MGAT4C: variants seen among roughly 807,000 people sequenced by gnomAD.
MGAT4C encodes the protein MGAT4 family member C, also known as alpha-1,3-mannosyl-glycoprotein 4-beta-N-acetylglucosaminyltransferase C.
In MGAT4C, 19 loss-of-function variants were observed where a neutral mutation model predicts 40.1. The ratio of observed to expected loss-of-function variants is 0.47; its 90% CI spans 0.33 to 0.70. The LOEUF is 0.70. MGAT4C is among the 30% of genes least tolerant of loss of function. The pLI is 0.02. For synonymous variants in MGAT4C, 181 were observed against 187.1 expected (o/e 0.97, Z 0.27); for missense variants, 491 against 563.2 (o/e 0.87, Z 1.30).
chr12:86,231,970 T>C (rs1951339059), intron 1 of MGAT4C, among the ~76,000 whole-genome samples: 1 of 151,832 alleles, frequency 6.6e-6, no homozygotes, highest in Non-Finnish European at 1.5e-5. Flanking sequence ...AAAACCCCAT[T>C]TCTACTAAAG....
At chr12:86,837,065 G>C (rs887403071) in intron 1 of MGAT4C, among the ~76,000 whole-genome samples, 5 of 152,126 alleles carry the variant, frequency 3.3e-5, no homozygotes, top group African/African-American at 1.2e-4. Context: ...GTTTCAGAGA[G>C]TGCACTTCTG....
chr12:86,100,744 A>G (rs746859145), intron 1 of MGAT4C, among the ~76,000 whole-genome samples: 7 of 151,562 alleles, frequency 4.6e-5, no homozygotes, highest in Admixed American at 2.6e-4. Flanking sequence ...GTAAGGAACA[A>G]TACTGTCACT....
At chr12:86,604,348 C>A (rs1420505540) in intron 2 of MGAT4C, among the ~76,000 whole-genome samples, 2 of 152,072 alleles carry the variant, frequency 1.3e-5, no homozygotes, top group African/African-American at 4.8e-5. Flanking sequence ...CTTTGATTTA[C>A]CTCTGGATCA....
At position 86,600,538 on chromosome 12, in the gene MGAT4C, G is replaced by C. The variant is rs190243678; in HGVS notation, c.-229+126671C>G. ...ACAAATCTCGTGAGGTGTGCACTGG[G>C]CTGTGATCTTCAGCAGCCTATCTCT... On this transcript the variant is annotated intron_variant, in intron 2 of 7. Transcript: ENST00000548651. Among the ~76,000 whole-genome samples the C allele has an allele frequency of 4.3e-4, 66 of 152,318 alleles. 1 individual carries two copies. The East Asian group carries it at 0.012, about 28-fold the overall frequency.
chr12:86,327,922 C>A (rs897108665), intron 4 of MGAT4C, among the ~76,000 whole-genome samples: 2 of 151,876 alleles, frequency 1.3e-5, no homozygotes, highest in Non-Finnish European at 2.9e-5. Context: ...TTTTTTCAAA[C>A]GTTTATTATT....
At chr12:86,639,018 C>A (rs1014503763) in intron 2 of MGAT4C, among the ~76,000 whole-genome samples, 4 of 151,626 alleles carry the variant, frequency 2.6e-5, no homozygotes, top group Non-Finnish European at 5.9e-5. Context: ...ATTGGTTTTG[C>A]AGATATAAAT....
At chr12:86,367,793 C>G (rs1018562398) in intron 3 of MGAT4C, among the ~76,000 whole-genome samples, 1 of 151,648 alleles carries the variant, frequency 6.6e-6, no homozygotes, top group Non-Finnish European at 1.5e-5. Context: ...GAGCGAGACT[C>G]CGTCTCAAAA....
intron 2 of MGAT4C, among the ~76,000 whole-genome samples, chr12:86,648,158 T>C (rs1418793587): frequency 6.6e-6 from 1 of 151,922 alleles, no homozygotes; most frequent in African/African-American, 2.4e-5. Flanking sequence ...CAATTATTTG[T>C]ATTATATTAA....
intron 1 of MGAT4C, among the ~76,000 whole-genome samples, chr12:86,736,875 C>A (rs565855104): frequency 6.6e-6 from 1 of 151,570 alleles, no homozygotes; most frequent in Admixed American, 6.6e-5. Flanking sequence ...TAAATACAGT[C>A]CTTCTATTGT....
At chr12:86,151,987 T>C (rs1884339847) in intron 1 of MGAT4C, among the ~76,000 whole-genome samples, 1 of 152,224 alleles carries the variant, frequency 6.6e-6, no homozygotes, top group African/African-American at 2.4e-5. Context: ...GTCCCACACC[T>C]GACACCATGC....
intron 1 of MGAT4C, among the ~76,000 whole-genome samples, chr12:86,145,929 G>A (rs899744257): frequency 1.3e-5 from 2 of 151,840 alleles, no homozygotes; most frequent in East Asian, 1.9e-4. Flanking sequence ...TACTAGATGC[G>A]ACATGAAAAG....
chr12:86,444,645 G>T (rs946892845), intron 2 of MGAT4C, among the ~76,000 whole-genome samples: 1 of 152,118 alleles, frequency 6.6e-6, no homozygotes, highest in Non-Finnish European at 1.5e-5. Flanking sequence ...AATTCTTTCA[G>T]TTAAAATTCT....
At chr12:86,471,807 A>G (rs17369073) in intron 2 of MGAT4C, among the ~76,000 whole-genome samples, 14,999 of 152,114 alleles carry the variant, frequency 0.099, 995 homozygotes, top group Middle Eastern at 0.25. Context: ...CTATCATTCA[A>G]AGTATTATAT....
At chr12:86,531,007 G>T (rs1282022938) in intron 2 of MGAT4C, among the ~76,000 whole-genome samples, 1 of 152,004 alleles carries the variant, frequency 6.6e-6, no homozygotes, top group Non-Finnish European at 1.5e-5. Flanking sequence ...TTAATTGAGG[G>T]TAAGGATAGC....
chr12:86,719,339 A>G (rs532808636), intron 2 of MGAT4C, among the ~76,000 whole-genome samples: 1 of 152,284 alleles, frequency 6.6e-6, no homozygotes, highest in African/African-American at 2.4e-5. Context: ...TTGTTTCAGT[A>G]CAGCTCCTTC....
intron 1 of MGAT4C, among the ~76,000 whole-genome samples, chr12:86,797,367 T>C (rs1446346847): frequency 6.6e-6 from 1 of 151,884 alleles, no homozygotes; most frequent in Non-Finnish European, 1.5e-5. Context: ...TTACTTTTTA[T>C]TGCTATTTCT....
chr12:86,648,748 C>G (rs1963616053), intron 2 of MGAT4C, among the ~76,000 whole-genome samples: 1 of 151,800 alleles, frequency 6.6e-6, no homozygotes, highest in Non-Finnish European at 1.5e-5. Flanking sequence ...CTAGAACTGG[C>G]TAAGACAGCA....
At chr12:86,110,596 G>A (rs976562855) in intron 1 of MGAT4C, among the ~76,000 whole-genome samples, 1 of 150,622 alleles carries the variant, frequency 6.6e-6, no homozygotes, top group Non-Finnish European at 1.5e-5. Flanking sequence ...AACAAATAAC[G>A]GTTTCTAAAA....
intron 3 of MGAT4C, among the ~76,000 whole-genome samples, chr12:86,397,613 T>C (rs1337643972): frequency 6.6e-6 from 1 of 152,148 alleles, no homozygotes; most frequent in Non-Finnish European, 1.5e-5. Flanking sequence ...TTTGTGTATA[T>C]TAGCTCCTCA....
Sources: allele counts gnomAD v4.1 joint callset (sites outside exome capture counted in the v4.1 genomes callset), GRCh38; gene constraint gnomAD v4.1.1; transcripts MANE v1.5; gene names NCBI Gene and HGNC (gene_info 2026-07-23, HGNC 2026-07-21).